SP2: variants seen among roughly 807,000 people sequenced by gnomAD.
The protein encoded by SP2 is transcription factor Sp2.
SP2 carries 9 observed loss-of-function variants against 50.1 expected under a neutral mutation model. That is an observed-to-expected ratio of 0.18 (90% CI 0.11 to 0.31). The LOEUF is 0.31. Among genes scored for constraint, SP2 ranks in the 10% least tolerant of loss-of-function variants. The pLI, the probability that SP2 is intolerant of heterozygous loss-of-function variation, is 1.00. For synonymous variants in SP2, 313 were observed against 326.6 expected (o/e 0.96, Z 0.45); for missense variants, 581 against 806.5 (o/e 0.72, Z 3.39).
intron 4 of SP2, among the ~76,000 whole-genome samples, chr17:47,924,632 C>T (rs1481154218): frequency 1.3e-5 from 2 of 152,200 alleles, no homozygotes; most frequent in African/African-American, 4.8e-5. Context: ...AAATGGGCTT[C>T]CTGGGTTCAG....
At chr17:47,922,846 T>C (rs1162115026) in intron 3 of SP2, 116 bp from the exon 4 acceptor site, 12 of 849,824 alleles carry the variant, frequency 1.4e-5, no homozygotes, top group Admixed American at 2.3e-5. Context: ...TTTGGGTGAA[T>C]TGAAGAGACT....
In SP2 at chr17:47,916,584, G is replaced by T; in HGVS notation, c.513G>T (p.Pro171=). Residue 171 remains proline (P), a synonymous_variant, in exon 3 of 7, where the codon CCG becomes CCT. Coordinates refer to ENST00000376741, the MANE Select transcript of SP2 (RefSeq NM_003110.6). The surrounding 1 kb of genome is among the most constrained non-coding windows in gnomAD (Gnocchi z 4.7). ...GTNQAIITPS[P]SSHKPVPIKP... is the part of the protein sequence containing the mutation. ...ACCAAGCCATCATCACCCCCTCACC[G>T]TCCAGTCACAAGCCTGTCCCCATCA... 1.2e-6 allele frequency: 2 copies of T among 1,613,966 alleles called. No individual in the cohort carries two copies. Among genetic ancestry groups the T allele is most frequent in the South Asian group, 1.1e-5 (1 of 91,060 alleles).
intron 1 of SP2, among the ~76,000 whole-genome samples, chr17:47,907,720 T>C (rs775642757): frequency 5.3e-5 from 8 of 152,216 alleles, no homozygotes; most frequent in Non-Finnish European, 8.8e-5. Context: ...AAAACAATTA[T>C]TCTGACTAAG....
intron 1 of SP2, among the ~76,000 whole-genome samples, chr17:47,900,680 G>C (rs2034504451): frequency 6.6e-6 from 1 of 152,218 alleles, no homozygotes; most frequent in Non-Finnish European, 1.5e-5. Flanking sequence ...CAGAGGCTGA[G>C]GCACGGGAAT....
intron 1 of SP2, among the ~76,000 whole-genome samples, chr17:47,911,905 C>T (rs1436413169): frequency 1.3e-5 from 2 of 152,128 alleles, no homozygotes; most frequent in African/African-American, 2.4e-5. Context: ...CACCCCAGTT[C>T]GAGACACTTT....
chr17:47,925,609 C>G (rs2144081098), intron 6 of SP2, 68 bp downstream of exon 6: 2 of 1,295,700 alleles, frequency 1.5e-6, no homozygotes, highest in South Asian at 1.3e-5. Context: ...CCCACCCCCA[C>G]TCTACCGGCT....
intron 1 of SP2, among the ~76,000 whole-genome samples, chr17:47,909,071 C>G (rs533059548): frequency 6.6e-6 from 1 of 152,160 alleles, no homozygotes; most frequent in African/African-American, 2.4e-5. Flanking sequence ...TGGTTCTACC[C>G]TTTGAACCCA....
intron 1 of SP2, chr17:47,897,438 T>C (rs1018670379): frequency 6.6e-6 from 1 of 152,260 alleles, no homozygotes; most frequent in Non-Finnish European, 1.5e-5. Context: ...CACTTATTGT[T>C]TCCTAGAGAA....
chr17:47,910,688 A>G (rs2034947448), intron 1 of SP2, among the ~76,000 whole-genome samples: 1 of 152,336 alleles, frequency 6.6e-6, no homozygotes, highest in African/African-American at 2.4e-5. Flanking sequence ...CTTGACACTT[A>G]GGCTCCTTGA....
intron 1 of SP2, among the ~76,000 whole-genome samples, chr17:47,915,086 G>C (rs61216788): frequency 6.6e-6 from 1 of 151,868 alleles, no homozygotes; most frequent in East Asian, 1.9e-4. Context: ...TGGTGGCAGC[G>C]CCTGTAATCC....
At chr17:47,920,667 C>T (rs1424299710) in intron 3 of SP2, among the ~76,000 whole-genome samples, 4 of 151,976 alleles carry the variant, frequency 2.6e-5, no homozygotes, top group Non-Finnish European at 2.9e-5. Flanking sequence ...ATGATCCACC[C>T]GCCTCGGCCT....
intron 1 of SP2, among the ~76,000 whole-genome samples, chr17:47,897,135 G>A (rs1358846049): frequency 6.6e-6 from 1 of 152,182 alleles, no homozygotes; most frequent in Non-Finnish European, 1.5e-5. Flanking sequence ...AAACAAAATA[G>A]ATACTCGCTC....
chr17:47,896,414 G>T, intron 1 of SP2, 121 bp downstream of exon 1: 2 of 824,106 alleles, frequency 2.4e-6, no homozygotes, highest in African/African-American at 1.8e-5. Flanking sequence ...GTCTGGCGTC[G>T]GGGCCCGGCT....
chr17:47,905,357 G>C (rs2034714843), intron 1 of SP2, among the ~76,000 whole-genome samples: 2 of 152,168 alleles, frequency 1.3e-5, no homozygotes, highest in South Asian at 4.1e-4. Flanking sequence ...CCAAGAGAAA[G>C]ACTGTTTGCA....
intron 1 of SP2, among the ~76,000 whole-genome samples, chr17:47,901,034 A>G (rs2034518635): frequency 6.6e-6 from 1 of 152,220 alleles, no homozygotes; most frequent in Non-Finnish European, 1.5e-5. Context: ...CCCTTCCAGT[A>G]CAATGGGATG....
At chr17:47,928,988 C>G (rs1050980186), downstream of SP2, 1 of 152,636 alleles carries the variant, frequency 6.6e-6, no homozygotes, top group Admixed American at 6.5e-5. Context: ...TGTCTTTTCC[C>G]TTGGAGAGCT....
chr17:47,918,112 G>T (rs947615728), intron 3 of SP2, among the ~76,000 whole-genome samples: 4 of 150,520 alleles, frequency 2.7e-5, no homozygotes, highest in Non-Finnish European at 4.5e-5. Flanking sequence ...TAAAATTGAG[G>T]AGTTTTTTTT....
chr17:47,906,125 C>T (rs1026250468), intron 1 of SP2, among the ~76,000 whole-genome samples: 1 of 152,112 alleles, frequency 6.6e-6, no homozygotes, highest in African/African-American at 2.4e-5. Flanking sequence ...TGGAGGCTGA[C>T]TAAGGGGGAG....
chr17:47,910,523 TGA>T (rs2034941060), intron 1 of SP2, among the ~76,000 whole-genome samples: 1 of 152,238 alleles, frequency 6.6e-6, no homozygotes, highest in Non-Finnish European at 1.5e-5. Flanking sequence ...TATATGAACA[TGA>T]ATCTGTGTGT....
Sources: allele counts gnomAD v4.1 joint callset (sites outside exome capture counted in the v4.1 genomes callset), GRCh38; gene constraint gnomAD v4.1.1; non-coding constraint Gnocchi (gnomAD v3.1); transcripts MANE v1.5; gene names NCBI Gene and HGNC (gene_info 2026-07-23, HGNC 2026-07-21).